STK32B: variants seen among roughly 807,000 people sequenced by gnomAD.
The protein encoded by STK32B is serine/threonine-protein kinase 32B.
Under a neutral mutation model 52.6 loss-of-function variants are expected in STK32B, and 43 were observed. The observed-to-expected ratio is 0.82, with a 90% CI of 0.64 to 1.05. The LOEUF is 1.05. Among genes scored for constraint, STK32B ranks in the 50% least tolerant of loss-of-function variants. The pLI is 0.00. For synonymous variants in STK32B, 238 were observed against 204.3 expected, an observed-to-expected ratio of 1.17 and a Z score of -1.41; for missense variants, 621 against 534.6, an observed-to-expected ratio of 1.16 and a Z score of -1.59.
chr4:5,094,698 G>T (rs1027485858), intron 1 of STK32B, among the ~76,000 whole-genome samples: 9 of 152,112 alleles, frequency 5.9e-5, no homozygotes, highest in Non-Finnish European at 1.2e-4. Context: ...TACAAAATAT[G>T]TGTTAATCTA....
At chr4:5,418,827 C>T (rs930005880) in intron 6 of STK32B, among the ~76,000 whole-genome samples, 1 of 151,702 alleles carries the variant, frequency 6.6e-6, no homozygotes, top group Non-Finnish European at 1.5e-5. Flanking sequence ...ATAAACAGTG[C>T]CTAAAACCGC....
chr4:5,286,308 G>C (rs1728538255), intron 3 of STK32B, among the ~76,000 whole-genome samples: 1 of 152,198 alleles, frequency 6.6e-6, no homozygotes, highest in Non-Finnish European at 1.5e-5. Flanking sequence ...AAGATGTGGA[G>C]AGTCGGATAC....
intron 2 of STK32B, among the ~76,000 whole-genome samples, chr4:5,161,375 T>G (rs920567602): frequency 1.3e-5 from 2 of 152,268 alleles, no homozygotes; most frequent in South Asian, 2.1e-4. Context: ...TTTTCTCACA[T>G]AACAAGAAAT....
chr4:5,164,818 A>T lies in STK32B; in HGVS notation c.109-3481A>T, dbSNP rs144685786. On this transcript the variant is annotated intron_variant, in intron 2 of 11. Transcript: ENST00000282908. Reference sequence around the variant, plus strand: ...CTGTGACTCTGTGACTCCCTGGAAGACCCACCCGTTGGAGACCCACTTGTC... The same window carrying T: ...CTGTGACTCTGTGACTCCCTGGAAGTCCCACCCGTTGGAGACCCACTTGTC... 9.3e-4 allele frequency among the ~76,000 whole-genome samples: 142 copies of T among 152,270 alleles called. 2 individuals are homozygous for T. The East Asian group carries it at 0.026, about 28-fold the overall frequency.
At chr4:5,156,016 A>G (rs1717800706) in intron 2 of STK32B, among the ~76,000 whole-genome samples, 1 of 152,076 alleles carries the variant, frequency 6.6e-6, no homozygotes, top group Non-Finnish European at 1.5e-5. Flanking sequence ...TAAACAGTAT[A>G]TATGTACATA....
chr4:5,122,560 C>T (rs563098768), intron 1 of STK32B, among the ~76,000 whole-genome samples: 1 of 152,004 alleles, frequency 6.6e-6, no homozygotes, highest in South Asian at 2.1e-4. Flanking sequence ...CACTCATTCA[C>T]TCACTCACTT....
chr4:5,401,606 A>G (rs1737295415), intron 5 of STK32B, among the ~76,000 whole-genome samples: 1 of 152,202 alleles, frequency 6.6e-6, no homozygotes. Flanking sequence ...GCAAAAGCAG[A>G]GAGATACCAC....
chr4:5,195,269 G>C (rs1439250056), intron 3 of STK32B, among the ~76,000 whole-genome samples: 1 of 152,154 alleles, frequency 6.6e-6, no homozygotes, highest in Non-Finnish European at 1.5e-5. Flanking sequence ...GGCTATGGCT[G>C]TTTGCTCACA....
At chr4:5,373,571 C>T (rs1240666938) in intron 4 of STK32B, among the ~76,000 whole-genome samples, 1 of 152,182 alleles carries the variant, frequency 6.6e-6, no homozygotes, top group Non-Finnish European at 1.5e-5. Flanking sequence ...TTACCCAGTC[C>T]ACCAATTTAA....
chr4:5,295,253 C>G (rs1401639752), intron 3 of STK32B, among the ~76,000 whole-genome samples: 1 of 152,034 alleles, frequency 6.6e-6, no homozygotes, highest in Admixed American at 6.6e-5. Context: ...TTTGTTGTGT[C>G]TCTGCCAGGT....
intron 5 of STK32B, among the ~76,000 whole-genome samples, chr4:5,404,843 C>A (rs1172896943): frequency 6.6e-6 from 1 of 151,158 alleles, no homozygotes; most frequent in East Asian, 1.9e-4. Context: ...TTCATAACAC[C>A]CCTGTGTTCT....
chr4:5,312,103 A>T (rs1427750503), intron 3 of STK32B, among the ~76,000 whole-genome samples: 1 of 151,690 alleles, frequency 6.6e-6, no homozygotes, highest in African/African-American at 2.4e-5. Flanking sequence ...ACAATCATCC[A>T]TATATTGAAA....
At chr4:5,020,147 G>T in the STK32B span, among the ~76,000 whole-genome samples, 1 of 152,204 alleles carries the variant, frequency 6.6e-6, no homozygotes, top group Admixed American at 6.5e-5. Flanking sequence ...GGCCCCGAGG[G>T]AGAGCAGACC....
At chr4:5,032,077 C>G in the STK32B span, among the ~76,000 whole-genome samples, 1 of 151,824 alleles carries the variant, frequency 6.6e-6, no homozygotes, top group Non-Finnish European at 1.5e-5. Context: ...TAAACAAATA[C>G]GTTTTTTGTA....
intron 3 of STK32B, among the ~76,000 whole-genome samples, chr4:5,303,501 A>G (rs968229126): frequency 2.0e-5 from 3 of 151,946 alleles, no homozygotes; most frequent in African/African-American, 7.2e-5. Flanking sequence ...TTGTCTATTC[A>G]TGTCCTCAGC....
At chr4:5,496,808 A>C (rs1720302756) in intron 11 of STK32B, among the ~76,000 whole-genome samples, 2 of 151,254 alleles carry the variant, frequency 1.3e-5, no homozygotes, top group South Asian at 4.2e-4. Flanking sequence ...TTTGCTTTAA[A>C]AAAAAAAAAA....
chr4:5,363,837 G>T (rs2109002099), intron 4 of STK32B, among the ~76,000 whole-genome samples: 1 of 152,126 alleles, frequency 6.6e-6, no homozygotes, highest in Non-Finnish European at 1.5e-5. Flanking sequence ...TGCCATAGAA[G>T]AATCCAATTT....
chr4:5,301,355 T>C (rs1435967242), intron 3 of STK32B, among the ~76,000 whole-genome samples: 1 of 152,122 alleles, frequency 6.6e-6, no homozygotes, highest in Non-Finnish European at 1.5e-5. Context: ...TTAGCTCTTC[T>C]CTGAATGGTA....
intron 6 of STK32B, among the ~76,000 whole-genome samples, chr4:5,445,170 G>T (rs112294690): frequency 2.0e-5 from 3 of 152,168 alleles, no homozygotes; most frequent in Admixed American, 6.5e-5. Flanking sequence ...GTGGGTGAAA[G>T]TGCACTTAGA....
Sources: gnomAD v4.1 joint callset for allele counts (sites outside exome capture counted in the v4.1 genomes callset) on GRCh38, gnomAD v4.1.1 for gene constraint, MANE v1.5 for transcripts, NCBI Gene and HGNC (gene_info 2026-07-23, HGNC 2026-07-21) for gene names.